C2CD2: variants seen among roughly 807,000 people sequenced by gnomAD.
C2CD2 encodes C2 calcium dependent domain containing 2, also known as C2 domain-containing protein 2.
In C2CD2, 43 loss-of-function variants were observed where a neutral mutation model predicts 74.3. That is an observed-to-expected ratio of 0.58 (90% CI 0.45 to 0.75). The LOEUF (loss-of-function observed/expected upper bound fraction) is 0.75. Ranked by LOEUF, C2CD2 falls within the 30% of genes least tolerant of loss-of-function variation. The pLI, the probability that C2CD2 is intolerant of heterozygous loss-of-function variation, is 0.00. For missense variants in C2CD2, 801 were observed against 916.3 expected (o/e 0.87, Z 1.63); for synonymous variants, 422 against 390.7 (o/e 1.08, Z -0.94).
chr21:41,910,410 T>C (rs2065013704), intron 7 of C2CD2, among the ~76,000 whole-genome samples: 1 of 152,176 alleles, frequency 6.6e-6, no homozygotes, highest in Non-Finnish European at 1.5e-5. Context: ...GGCATGTGCA[T>C]TTGAGAGGTG....
chr21:41,932,972 G>T (rs2065275819), intron 2 of C2CD2, among the ~76,000 whole-genome samples: 1 of 150,392 alleles, frequency 6.6e-6, no homozygotes, highest in Non-Finnish European at 1.5e-5. Context: ...CCAGTCAGGG[G>T]TTTGTCGGCG....
chr21:41,908,105 C>G (rs2064986022), intron 8 of C2CD2: 1 of 364,346 alleles, frequency 2.7e-6, no homozygotes, highest in African/African-American at 2.1e-5. Context: ...TGGGCATAAG[C>G]TAAGGAATTG....
intron 13 of C2CD2, chr21:41,894,520 G>A (rs959052614): frequency 2.5e-6 from 1 of 403,548 alleles, no homozygotes; most frequent in Non-Finnish European, 4.9e-6. Context: ...CCAGCCAGGT[G>A]TCTAGAAAAA....
chr21:41,942,034 A>AT (rs199806585), intron 2 of C2CD2, 113 bp downstream of exon 2: 14,939 of 1,387,698 alleles, frequency 0.011, 106 homozygotes, highest in Middle Eastern at 0.024. Context: ...GGTTGTTTTG[A>AT]TTTTTTTCCT....
chr21:41,933,676 G>A (rs974088450), intron 2 of C2CD2, among the ~76,000 whole-genome samples: 20 of 152,194 alleles, frequency 1.3e-4, no homozygotes, highest in Admixed American at 1.2e-3. Flanking sequence ...CCAGGAGCCC[G>A]GGCAGATCCC....
At chr21:41,935,742 C>T (rs1306432564) in intron 2 of C2CD2, among the ~76,000 whole-genome samples, 1 of 152,058 alleles carries the variant, frequency 6.6e-6, no homozygotes, top group Non-Finnish European at 1.5e-5. Flanking sequence ...ATCCCAGCTA[C>T]TCGGGAGGCT....
intron 8 of C2CD2, chr21:41,908,748 T>A (rs1186627900): frequency 6.6e-6 from 1 of 152,198 alleles, no homozygotes; most frequent in African/African-American, 2.4e-5. Context: ...CCAATTTTGG[T>A]ATGTTTATGG....
chr21:41,919,440 C>T (rs2065131770), intron 3 of C2CD2, among the ~76,000 whole-genome samples: 1 of 152,236 alleles, frequency 6.6e-6, no homozygotes, highest in Non-Finnish European at 1.5e-5. Flanking sequence ...CTGGCCTCAA[C>T]CTACCCCTCA....
rs878880359 is a variant in C2CD2 at position 41,932,532 on chromosome 21, TG to T, written c.378+9614del. Reference sequence around the variant, plus strand: ...CTTGCGGGACCTAGCCCTGGGCCTTTGGGATCTGTGTTAAGTCTGAGTAATG... The same window carrying T: ...CTTGCGGGACCTAGCCCTGGGCCTTTGGATCTGTGTTAAGTCTGAGTAATG... On this transcript the variant is annotated intron_variant, in intron 2 of 13. Transcript: ENST00000380486. 5.3e-5 allele frequency among the ~76,000 whole-genome samples: 8 copies of T among 150,520 alleles called. 1 individual carries two copies. Among genetic ancestry groups the T allele is most frequent in the Admixed American group, 5.3e-4 (8 of 15,072 alleles).
At position 41,953,683 on chromosome 21, in the gene C2CD2, C is replaced by T. The variant is rs756504073; in HGVS notation, c.-35G>A. On this transcript the variant is annotated 5_prime_UTR_variant, in exon 1 of 14. Coordinates refer to ENST00000380486, the MANE Select transcript of C2CD2 (RefSeq NM_015500.2). ...CCGGCCCGCCTCGCCCCAACTTCCC[C>T]GGCAGCCCCGGGCCGGAACGGCGGA... is the stretch of plus-strand genomic sequence containing the variant. 3 of 1,368,828 alleles carry T rather than the reference C, an allele frequency of 2.2e-6. No individual in the cohort carries two copies. Among genetic ancestry groups the T allele is most frequent in the African/African-American group, 3.0e-5 (2 of 65,698 alleles). The allele number at this position is 1,368,828 out of a possible 1,614,324, so 84.8% of individuals were successfully genotyped here. A position where few individuals can be genotyped will look rare whatever the true frequency, so the allele number is the denominator to read the frequency against.
intron 3 of C2CD2, among the ~76,000 whole-genome samples, chr21:41,919,696 T>C (rs2065134606): frequency 6.6e-6 from 1 of 152,208 alleles, no homozygotes; most frequent in African/African-American, 2.4e-5. Flanking sequence ...TGTCTCTTGC[T>C]GGGGCCGCCA....
rs1263312816 is a variant in C2CD2 at position 41,919,040 on chromosome 21, GAGCA to G, written c.493-84_493-81del. 334 of 980,576 alleles carry G rather than the reference GAGCA, an allele frequency of 3.4e-4. 1 individual carries two copies. The highest frequency in any genetic ancestry group is 2.7e-3 in the East Asian group (112 of 41,826). The allele number at this position is 980,576 out of a possible 1,614,324, so 60.7% of individuals were successfully genotyped here. Reference sequence around the variant, plus strand: ...CACGTGCGTGTGCATGTGACTGTGTGAGCATGTGTGTGTGCATATATGCATGTGA... The same window carrying G: ...CACGTGCGTGTGCATGTGACTGTGTGTGTGTGTGTGCATATATGCATGTGA... On this transcript the variant is annotated intron_variant, in intron 3 of 13. Transcript: ENST00000380486.
intron 1 of C2CD2, among the ~76,000 whole-genome samples, chr21:41,946,509 G>T (rs1476059544): frequency 2.6e-5 from 4 of 152,222 alleles, no homozygotes; most frequent in Admixed American, 2.0e-4. Flanking sequence ...CTGGGTCATA[G>T]AAGATGACCT....
rs984636817 is a variant in C2CD2, at chr21:41,899,782, G to A, written c.1561-420C>T. Among the ~76,000 whole-genome samples, 7 of 152,132 alleles carry A rather than the reference G, an allele frequency of 4.6e-5. No homozygotes were observed. Among genetic ancestry groups the A allele is most frequent in the Non-Finnish European group, 8.8e-5 (6 of 68,016 alleles). ...TTGTTCCTACACGTTTATGTTACCTGCAAGTGGAAATTCACCGGCACATCC... is the reference window on the plus strand; with the variant it reads ...TTGTTCCTACACGTTTATGTTACCTACAAGTGGAAATTCACCGGCACATCC... On this transcript the variant is annotated intron_variant, in intron 12 of 13. Coordinates refer to ENST00000380486, the MANE Select transcript of C2CD2 (RefSeq NM_015500.2). This position sits in a 1 kb window ranked among gnomAD's most constrained non-coding sequence, Gnocchi z 4.4.
intron 13 of C2CD2, among the ~76,000 whole-genome samples, chr21:41,893,698 C>CTTTTTTTT (rs60305027): frequency 8.2e-6 from 1 of 122,110 alleles, no homozygotes; most frequent in African/African-American, 3.1e-5. Flanking sequence ...TGTTAAATTT[C>CTTTTTTTT]TTTTTTTTTT....
At chr21:41,910,265 A>G (rs556875270) in intron 7 of C2CD2, among the ~76,000 whole-genome samples, 3 of 152,316 alleles carry the variant, frequency 2.0e-5, no homozygotes, top group South Asian at 2.1e-4. Context: ...ACTCTTTACT[A>G]AACAACCCTT....
At chr21:41,911,686 ACTTT>A (rs766656720) in intron 7 of C2CD2, among the ~76,000 whole-genome samples, 62 of 149,272 alleles carry the variant, frequency 4.2e-4, no homozygotes, top group Middle Eastern at 3.5e-3. Context: ...CTGTTCCCAG[ACTTT>A]CTTTCTTTTT....
At chr21:41,898,793 G>A (rs1018279887) in intron 13 of C2CD2, among the ~76,000 whole-genome samples, 3 of 152,206 alleles carry the variant, frequency 2.0e-5, no homozygotes, top group African/African-American at 7.2e-5. Flanking sequence ...AGCCCAGACT[G>A]AGGAAGGGGC....
chr21:41,905,772 C>T lies in C2CD2; in HGVS notation c.1384G>A (p.Ala462Thr), dbSNP rs760888952. 7.1e-5 allele frequency: 114 copies of T among 1,612,170 alleles called. No homozygotes were observed. In the Admixed American group the frequency reaches 1.5e-3, roughly 21 times the overall value. Residue 462 changes from alanine to threonine, a missense_variant, in exon 11 of 14, where the codon GCC (alanine) becomes ACC (threonine). Physicochemically the swap from Ala to Thr is moderately conservative, Grantham distance 58. Transcript: ENST00000380486. ...TTGCTGACGGGGGCGCTGCGGCAGG[C>T]GATGGCCTGGACAGAGATGTCCTTC... Reference protein sequence around the residue: ...IEKDISVQAIACRSAPVSKTL... With the variant: ...IEKDISVQAITCRSAPVSKTL...
Sources: gnomAD v4.1 joint callset for allele counts (sites outside exome capture counted in the v4.1 genomes callset) on GRCh38, gnomAD v4.1.1 for gene constraint, Gnocchi (gnomAD v3.1) non-coding constraint, MANE v1.5 for transcripts, NCBI Gene and HGNC (gene_info 2026-07-23, HGNC 2026-07-21) for gene names.